The following OTUD6B variants were observed in gnomAD, a reference collection of about 807,000 sequenced individuals.
OTUD6B encodes OTU deubiquitinase 6B.
In OTUD6B, 41 loss-of-function variants were observed where a neutral mutation model predicts 36.9. The ratio of observed to expected loss-of-function variants is 1.11; its 90% CI spans 0.87 to 1.44. The LOEUF (loss-of-function observed/expected upper bound fraction) is 1.44, where lower values mean the gene tolerates loss of function less well. OTUD6B is among the 40% of genes most tolerant of loss of function. OTUD6B has a pLI of 0.00. For missense variants in OTUD6B, 356 were observed against 344.8 expected (o/e 1.03, Z -0.26); for synonymous variants, 114 against 114.2 (o/e 1.00, Z 0.01).
chr8:91,083,933 G>T lies in OTUD6B; in HGVS notation c.691-75G>T. On this transcript the variant is annotated intron_variant, in intron 5 of 6. Coordinates refer to ENST00000404789, the MANE Select transcript of OTUD6B (RefSeq NM_016023.5). ...AACACAGCGTATCCCTGCTCTGACT[G>T]GTTGCCCGTTCACACATATTTGAAT... 7.2e-6 allele frequency: 11 copies of T among 1,531,394 alleles called. No individual in the cohort carries two copies. The South Asian group carries it at 1.4e-4, about 19-fold the overall frequency. The allele number at this position is 1,531,394 out of a possible 1,614,324, so 94.9% of individuals were successfully genotyped here. A position where few individuals can be genotyped will look rare whatever the true frequency, so the allele number is the denominator to read the frequency against.
At chr8:91,077,663 G>A (rs1812827040) in intron 3 of OTUD6B, among the ~76,000 whole-genome samples, 1 of 151,930 alleles carries the variant, frequency 6.6e-6, no homozygotes. Flanking sequence ...AAAGCAAATT[G>A]TAGAATGTAA....
chr8:91,073,947 G>A (rs1022366379), intron 3 of OTUD6B, 36 bp downstream of exon 3: 5 of 1,403,526 alleles, frequency 3.6e-6, no homozygotes, highest in African/African-American at 1.4e-5. Flanking sequence ...ATAAGTTAGT[G>A]CTGTGTGTTC....
chr8:91,075,272 T>C (rs1812780704), intron 3 of OTUD6B, among the ~76,000 whole-genome samples: 1 of 152,102 alleles, frequency 6.6e-6, no homozygotes, highest in Admixed American at 6.5e-5. Flanking sequence ...TTGGAGATTG[T>C]CTGCTTAGGA....
intron 5 of OTUD6B, 127 bp from the exon 6 acceptor site, chr8:91,083,881 A>C: frequency 6.0e-5 from 66 of 1,105,796 alleles, no homozygotes; most frequent in Non-Finnish European, 8.0e-5. Context: ...TGCCCAGTAT[A>C]TACCAGGCTC....
chr8:91,083,968 A>G, intron 5 of OTUD6B, 40 bp from the exon 6 acceptor site: 2 of 1,540,844 alleles, frequency 1.3e-6, no homozygotes, highest in South Asian at 1.2e-5. Context: ...TGTGATTTAC[A>G]TTTTTATTTT....
intron 2 of OTUD6B, among the ~76,000 whole-genome samples, chr8:91,071,920 C>A (rs1480604363): frequency 2.0e-5 from 3 of 152,202 alleles, no homozygotes; most frequent in Admixed American, 1.3e-4. Context: ...GTTACTTAAT[C>A]TTTCTGAGCT....
In OTUD6B at chr8:91,085,515, C is replaced by T. The variant is rs1400343576; in HGVS notation, c.*647C>T. The T allele has an allele frequency of 6.6e-6, 1 of 151,816 alleles. No individual in the cohort carries two copies. Among genetic ancestry groups the T allele is most frequent in the Non-Finnish European group, 1.5e-5 (1 of 67,872 alleles). The allele number at this position is 151,816 out of a possible 1,614,324, so 9.4% of individuals were successfully genotyped here. A position where few individuals can be genotyped will look rare whatever the true frequency, so the allele number is the denominator to read the frequency against. ...ATAAATTCAAAGGTAAATAGGTATT[C>T]TCTGTCAAATTTAAATCTCTAAAGA... On this transcript the variant is annotated 3_prime_UTR_variant, in exon 7 of 7. Transcript: ENST00000404789.
Position 91,073,870 on chromosome 8 carries a change from G to C in OTUD6B, c.274G>C (p.Glu92Gln). ...VAVNISNLVL[E>Q]NQPPRISKAQ... The stretch of plus-strand genomic sequence containing the variant: ...TGTTAACATTTCAAACTTGGTGCTT[G>C]AGAATCAGCCACCTCGGATATCAAA... The change falls in exon 3 of 7, where the codon GAG becomes CAG. Residue 92 changes from glutamate to glutamine, a missense_variant. Coordinates refer to ENST00000404789, the MANE Select transcript of OTUD6B (RefSeq NM_016023.5). The C allele has an allele frequency of 6.3e-7, 1 of 1,594,444 alleles. No individual in the cohort carries two copies. Among genetic ancestry groups the C allele is most frequent in the South Asian group, 1.1e-5 (1 of 87,834 alleles).
In OTUD6B at chr8:91,086,192, C is replaced by A. The variant is rs965835911; in HGVS notation, c.*1324C>A. 1 of 151,896 alleles carries A rather than the reference C, an allele frequency of 6.6e-6. No homozygotes were observed. The highest frequency in any genetic ancestry group is 2.4e-5 in the African/African-American group (1 of 41,368). The allele number at this position is 151,896 out of a possible 1,614,324, so 9.4% of individuals were successfully genotyped here. The stretch of plus-strand genomic sequence containing the variant: ...AGATAAAACTAGTAAGATTTAGTAT[C>A]GTTTATAACATTTGAATTTTTGCTC... On this transcript the variant is annotated 3_prime_UTR_variant, in exon 7 of 7. Coordinates refer to ENST00000404789, the MANE Select transcript of OTUD6B (RefSeq NM_016023.5).
intron 5 of OTUD6B, among the ~76,000 whole-genome samples, chr8:91,082,235 A>G (rs1023839243): frequency 6.6e-6 from 1 of 152,152 alleles, no homozygotes; most frequent in Non-Finnish European, 1.5e-5. Flanking sequence ...ATTTACCACC[A>G]TGCAGCAGAG....
At chr8:91,076,329 C>A (rs1449297235) in intron 3 of OTUD6B, 1 of 311,388 alleles carries the variant, frequency 3.2e-6, no homozygotes, top group African/African-American at 2.3e-5. Flanking sequence ...GCTGTAGAAA[C>A]CAAAGTGCCT....
Position 91,080,746 on chromosome 8 carries a change from T to A in OTUD6B, c.690+16T>A. The A allele has an allele frequency of 6.4e-7, 1 of 1,570,132 alleles. No individual in the cohort carries two copies. Among genetic ancestry groups the A allele is most frequent in the Non-Finnish European group, 8.7e-7 (1 of 1,149,216 alleles). ...TCAGCTTGAGGTAAGTTTGTAGTTA[T>A]TCATAGTGATTGTGGGTTGTTAAAT... On this transcript the variant is annotated intron_variant, in intron 5 of 6. Transcript: ENST00000404789.
At position 91,082,954 on chromosome 8, in the gene OTUD6B, CT is replaced by C. The variant is rs1236385131; in HGVS notation, c.691-1053del. Among the ~76,000 whole-genome samples, 6 of 151,790 alleles carry C rather than the reference CT, an allele frequency of 4.0e-5. No homozygotes were observed. The East Asian group carries it at 7.7e-4, about 20-fold the overall frequency. On this transcript the variant is annotated intron_variant, in intron 5 of 6. Coordinates refer to ENST00000404789, the MANE Select transcript of OTUD6B (RefSeq NM_016023.5). ...GAATGCCTGGACTCAAGGTATCTGC[CT>C]ACCTTGGCCTCCCAAAGTGCTGGAA...
chr8:91,075,500 C>T (rs1812785537), intron 3 of OTUD6B, among the ~76,000 whole-genome samples: 1 of 152,034 alleles, frequency 6.6e-6, no homozygotes, highest in Non-Finnish European at 1.5e-5. Flanking sequence ...GGACCTCTAA[C>T]AACAAAACAA....
intron 3 of OTUD6B, among the ~76,000 whole-genome samples, chr8:91,076,087 T>G (rs770472246): frequency 2.6e-5 from 4 of 152,142 alleles, no homozygotes; most frequent in Non-Finnish European, 4.4e-5. Flanking sequence ...AATTTCTGTA[T>G]TTTCCAATGA....
At chr8:91,073,787 T>C in intron 2 of OTUD6B, 44 bp from the exon 3 acceptor site, 2 of 1,492,004 alleles carry the variant, frequency 1.3e-6, no homozygotes, top group Non-Finnish European at 1.8e-6. Flanking sequence ...TTTTCAGTAA[T>C]TTAATAAGTA....
chr8:91,071,558 C>T (rs991031010), intron 2 of OTUD6B, among the ~76,000 whole-genome samples: 2 of 152,134 alleles, frequency 1.3e-5, no homozygotes, highest in Non-Finnish European at 2.9e-5. Flanking sequence ...CCATGTTAGC[C>T]AAGACGGTGT....
rs1294004498 is a variant in OTUD6B at position 91,085,065 on chromosome 8, AT to A, written c.*200del. ...GTGTCTTCTTAGTGGAATTTTAAAA[AT>A]TTGTTAAGTTCATTGTAGAGAACAC... On this transcript the variant is annotated 3_prime_UTR_variant, in exon 7 of 7. Transcript: ENST00000404789. 1 of 327,558 alleles carries A rather than the reference AT, an allele frequency of 3.1e-6. No individual in the cohort carries two copies. The highest frequency in any genetic ancestry group is 5.6e-6 in the Non-Finnish European group (1 of 177,574). 20.3% of individuals were successfully genotyped at this position (327,558 alleles called of 1,614,324 possible).
At chr8:91,076,522 T>A in intron 3 of OTUD6B, 4 of 1,521,326 alleles carry the variant, frequency 2.6e-6, no homozygotes, top group Non-Finnish European at 2.6e-6. Flanking sequence ...AAAGTGCCAC[T>A]CTTTCAGTAA....
Sources: allele counts gnomAD v4.1 joint callset (sites outside exome capture counted in the v4.1 genomes callset), GRCh38; gene constraint gnomAD v4.1.1; transcripts MANE v1.5; gene names NCBI Gene and HGNC (gene_info 2026-07-23, HGNC 2026-07-21).